ACOT12: variants seen among roughly 807,000 people sequenced by gnomAD.
ACOT12 encodes the protein acetyl-coenzyme A thioesterase.
Under a neutral mutation model 67.7 loss-of-function variants are expected in ACOT12, and 51 were observed. That is an observed-to-expected ratio of 0.75 (90% CI 0.60 to 0.95). The LOEUF (loss-of-function observed/expected upper bound fraction) is 0.95. Ranked by LOEUF, ACOT12 falls within the 40% of genes least tolerant of loss-of-function variation. The probability of loss-of-function intolerance (pLI) is 0.00; values close to 1 mark genes in which losing one functional copy is unlikely to be tolerated. For missense variants in ACOT12, 734 were observed against 708.1 expected (o/e 1.04, Z -0.41); for synonymous variants, 251 against 244.6 (o/e 1.03, Z -0.24).
the ACOT12 span, among the ~76,000 whole-genome samples, chr5:81,317,394 C>G: frequency 6.6e-6 from 1 of 151,376 alleles, no homozygotes; most frequent in Non-Finnish European, 1.5e-5. Context: ...CCCAGCTACT[C>G]AGGAGGCTGA....
intron 3 of ACOT12, 40 bp from the exon 4 acceptor site, chr5:81,363,929 G>T: frequency 2.1e-6 from 3 of 1,401,874 alleles, no homozygotes; most frequent in South Asian, 3.3e-5. Context: ...CTCTTGGCCA[G>T]TTCAGATTTC....
Position 81,385,754 on chromosome 5 carries a change from T to C in ACOT12, c.197+3A>G. 1 of 1,613,954 alleles carries C rather than the reference T, an allele frequency of 6.2e-7. No homozygotes were observed. The highest frequency in any genetic ancestry group is 8.5e-7 in the Non-Finnish European group (1 of 1,179,882). On this transcript the variant is annotated splice_donor_region_variant and intron_variant, in intron 2 of 14. Transcript: ENST00000307624. Reference sequence around the variant, plus strand: ...AAAGGAGCCATGGAGCAATGTCACTTACCTAGCTGTCTCCTCAAACTGTAT... The same window carrying C: ...AAAGGAGCCATGGAGCAATGTCACTCACCTAGCTGTCTCCTCAAACTGTAT...
chr5:81,331,800 T>G (rs776724520), intron 13 of ACOT12, among the ~76,000 whole-genome samples: 3 of 152,246 alleles, frequency 2.0e-5, no homozygotes, highest in Non-Finnish European at 4.4e-5. Context: ...AATTTGATTT[T>G]TCATTTAGCA....
At chr5:81,393,939 T>C (rs1455365920) in intron 1 of ACOT12, 49 bp downstream of exon 1, 7 of 1,284,986 alleles carry the variant, frequency 5.4e-6, no homozygotes, top group African/African-American at 1.6e-5. Flanking sequence ...CCGCCGCCGC[T>C]CCCGCAGCCC....
At chr5:81,333,747 A>G (rs73768071) in intron 12 of ACOT12, among the ~76,000 whole-genome samples, 8,596 of 152,134 alleles carry the variant, frequency 0.057, 505 homozygotes, top group East Asian at 0.17. Context: ...GATAGCATTA[A>G]CCACGATGTA....
At chr5:81,378,838 T>C (rs532556753) in intron 2 of ACOT12, among the ~76,000 whole-genome samples, 50 of 152,312 alleles carry the variant, frequency 3.3e-4, no homozygotes, top group Middle Eastern at 3.4e-3. Context: ...AAACAACAGA[T>C]GCTGGACAGT....
chr5:81,312,447 A>T, the ACOT12 span: 117,419 of 879,678 alleles, frequency 0.13, 10,147 homozygotes, highest in African/African-American at 0.3. Flanking sequence ...GTGATTATTC[A>T]TATCAAAATG....
chr5:81,323,352 T>C, the ACOT12 span, among the ~76,000 whole-genome samples: 1 of 152,076 alleles, frequency 6.6e-6, no homozygotes, highest in Non-Finnish European at 1.5e-5. Flanking sequence ...GCAGTTCAGT[T>C]TGGGTTCGGC....
At chr5:81,325,551 A>G (rs954491375), downstream of ACOT12, among the ~76,000 whole-genome samples, 2 of 152,008 alleles carry the variant, frequency 1.3e-5, no homozygotes, top group Non-Finnish European at 2.9e-5. Flanking sequence ...TAAGCCGGAC[A>G]AGGAAACGGG....
Position 81,360,075 on chromosome 5 carries a change from T to TTAAATTA in ACOT12, c.361-44_361-38dup, listed in dbSNP as rs1380570874. On this transcript the variant is annotated intron_variant, in intron 4 of 14. Transcript: ENST00000307624. ...AAAGCATTTATCTTTTATTGCCTTG[T>TTAAATTA]TAAATTATAAAAGCACAGCATGAAT... 4.4e-6 allele frequency: 7 copies of TTAAATTA among 1,576,768 alleles called. No individual in the cohort carries two copies. In the South Asian group the frequency reaches 4.8e-5, roughly 11 times the overall value.
chr5:81,379,783 A>G (rs1251492798), intron 2 of ACOT12, among the ~76,000 whole-genome samples: 1 of 152,196 alleles, frequency 6.6e-6, no homozygotes, highest in African/African-American at 2.4e-5. Context: ...CACCCAGGCT[A>G]GAGTGCAGTG....
intron 2 of ACOT12, among the ~76,000 whole-genome samples, chr5:81,378,694 A>G (rs879778945): frequency 6.6e-6 from 1 of 152,234 alleles, no homozygotes; most frequent in Non-Finnish European, 1.5e-5. Context: ...ATACTTCTCA[A>G]AAGAAGATAT....
At chr5:81,308,919 C>T in the ACOT12 span, 12 of 1,591,352 alleles carry the variant, frequency 7.5e-6, no homozygotes, top group East Asian at 2.2e-5. Flanking sequence ...GTATTGTCAA[C>T]TGAATAGGAA....
rs1275849476 is a variant in ACOT12 at position 81,330,899 on chromosome 5, G to A, written c.1433C>T (p.Ser478Leu). ...GATGTACTGTGGAGACGGGGGGACC[G>A]ATGGCAAAATGACCGACTTCACTGC... ...TVAVKSVILP[S>L]VPPSPQYIRS... Residue 478 changes from serine to leucine, a missense_variant, in exon 14 of 15, where the codon TCG becomes TTG. Ser to Leu is a moderately radical substitution (Grantham distance 145). Transcript: ENST00000307624. 3.3e-5 allele frequency: 53 copies of A among 1,612,334 alleles called. No individual in the cohort carries two copies. The highest frequency in any genetic ancestry group is 4.2e-5 in the Non-Finnish European group (50 of 1,179,340).
At chr5:81,385,584 A>G (rs1328626180) in intron 2 of ACOT12, among the ~76,000 whole-genome samples, 173 bp downstream of exon 2, 3 of 152,228 alleles carry the variant, frequency 2.0e-5, no homozygotes, top group African/African-American at 2.4e-5. Context: ...AGTGTTTCTT[A>G]TAAGTAGGCC....
At chr5:81,356,433 C>T (rs1211429644) in intron 5 of ACOT12, among the ~76,000 whole-genome samples, 1 of 152,156 alleles carries the variant, frequency 6.6e-6, no homozygotes, top group African/African-American at 2.4e-5. Flanking sequence ...CTCTTAGATG[C>T]CTGTGCTTTG....
intron 3 of ACOT12, among the ~76,000 whole-genome samples, chr5:81,364,791 T>C (rs961236313): frequency 1.3e-5 from 2 of 152,244 alleles, no homozygotes; most frequent in African/African-American, 4.8e-5. Flanking sequence ...TTACTAAATA[T>C]GCTTTTGAAA....
intron 1 of ACOT12, among the ~76,000 whole-genome samples, chr5:81,387,331 C>A (rs956826015): frequency 6.6e-6 from 1 of 152,032 alleles, no homozygotes; most frequent in Non-Finnish European, 1.5e-5. Context: ...CTTAGAGATC[C>A]AGCCATAGTC....
intron 12 of ACOT12, among the ~76,000 whole-genome samples, chr5:81,334,008 G>T (rs1758915187): frequency 6.6e-6 from 1 of 152,194 alleles, no homozygotes; most frequent in African/African-American, 2.4e-5. Context: ...GACGCTGGCA[G>T]ACCATCGATG....
Sources: gnomAD v4.1 joint callset for allele counts (sites outside exome capture counted in the v4.1 genomes callset) on GRCh38, gnomAD v4.1.1 for gene constraint, MANE v1.5 for transcripts, NCBI Gene and HGNC (gene_info 2026-07-23, HGNC 2026-07-21) for gene names.